The following ZNF334 variants were observed in gnomAD, a reference collection of about 807,000 sequenced individuals.
ZNF334 encodes zinc finger protein 334.
ZNF334 carries 14 observed loss-of-function variants against 12.4 expected under a neutral mutation model. That is an observed-to-expected ratio of 1.13 (90% CI 0.74 to 1.76). ZNF334 has a LOEUF of 1.76. Ranked by LOEUF, ZNF334 falls within the 40% of genes most tolerant of loss-of-function variation. The pLI is 0.00. For synonymous variants in ZNF334, 273 were observed against 269.6 expected (o/e 1.01, Z -0.12); for missense variants, 797 against 804.5 (o/e 0.99, Z 0.11).
chr20:46,510,521 T>A (rs1306071919), intron 2 of ZNF334, among the ~76,000 whole-genome samples: 1 of 151,916 alleles, frequency 6.6e-6, no homozygotes, highest in African/African-American at 2.4e-5. Context: ...GTCAGGAGAT[T>A]GAGACCATCC....
the ZNF334 span, among the ~76,000 whole-genome samples, chr20:46,467,297 G>C: frequency 2.0e-5 from 3 of 151,930 alleles, no homozygotes; most frequent in African/African-American, 7.3e-5. Context: ...CATTTTTTGG[G>C]AAAAATAACG....
the ZNF334 span, among the ~76,000 whole-genome samples, chr20:46,467,979 G>GAACA: frequency 6.6e-6 from 1 of 152,186 alleles, no homozygotes; most frequent in Non-Finnish European, 1.5e-5. Context: ...CATAACCAAA[G>GAACA]AACAATTAGT....
At chr20:46,503,789 T>C (rs2061334676) in intron 4 of ZNF334, among the ~76,000 whole-genome samples, 2 of 151,988 alleles carry the variant, frequency 1.3e-5, no homozygotes, top group Admixed American at 6.5e-5. Flanking sequence ...TGGTGAAGCG[T>C]AGAATGGAAA....
At chr20:46,497,629 T>C (rs1353206852), downstream of ZNF334, among the ~76,000 whole-genome samples, 1 of 152,202 alleles carries the variant, frequency 6.6e-6, no homozygotes, top group African/African-American at 2.4e-5. Flanking sequence ...ATCAGTATAT[T>C]AGTAACTGAC....
rs1053354808 is a variant in ZNF334 at position 46,501,119 on chromosome 20, A to T, written c.*177T>A. The T allele has an allele frequency of 1.4e-6, 1 of 697,040 alleles. No individual in the cohort carries two copies. Among genetic ancestry groups the T allele is most frequent in the Non-Finnish European group, 2.2e-6 (1 of 444,514 alleles). 43.2% of individuals were successfully genotyped at this position (697,040 alleles called of 1,614,324 possible). A position where few individuals can be genotyped will look rare whatever the true frequency, so the allele number is the denominator to read the frequency against. On this transcript the variant is annotated 3_prime_UTR_variant, in exon 5 of 5. Coordinates refer to ENST00000692313, the MANE Select transcript of ZNF334 (RefSeq NM_001353824.2). Reference sequence around the variant, plus strand: ...CAATGAATAATACATTTATTAAACAAATTATTTCTTTCCTACATGATTTCT... The same window carrying T: ...CAATGAATAATACATTTATTAAACATATTATTTCTTTCCTACATGATTTCT...
At chr20:46,482,899 T>C in the ZNF334 span, among the ~76,000 whole-genome samples, 2 of 152,226 alleles carry the variant, frequency 1.3e-5, no homozygotes, top group African/African-American at 4.8e-5. Context: ...TAGATCTCTA[T>C]GTTTGCAGTA....
At chr20:46,504,174 A>G in intron 4 of ZNF334, 40 bp downstream of exon 4, 1 of 1,417,966 alleles carries the variant, frequency 7.1e-7, no homozygotes. Context: ...TGGAACTCTC[A>G]TTTCCATTGG....
chr20:46,498,161 ATGGT>A (rs1415442469), downstream of ZNF334, among the ~76,000 whole-genome samples: 1 of 152,126 alleles, frequency 6.6e-6, no homozygotes, highest in Non-Finnish European at 1.5e-5. Context: ...CTGCATTCTT[ATGGT>A]GGTTGCCTCT....
intron 2 of ZNF334, among the ~76,000 whole-genome samples, chr20:46,508,869 T>G (rs545101672): frequency 1.3e-5 from 2 of 152,316 alleles, no homozygotes; most frequent in African/African-American, 4.8e-5. Flanking sequence ...CTTGAACACA[T>G]AGTATTTTTA....
chr20:46,502,427 G>T lies in ZNF334; in HGVS notation c.912C>A (p.Asp304Glu), dbSNP rs2061239177. The change falls in exon 5 of 5, where the codon GAC becomes GAA. Residue 304 changes from aspartate (D) to glutamate (E), a missense_variant. Asp to Glu is a conservative substitution (Grantham distance 45). Transcript: ENST00000692313. ...ECSECRKTFI[D>E]KSALIVHQKI... ...TCTGGTGTACAATAAGGGCAGATTT[G>T]TCAATGAAGGTTTTCCTGCATTCAC... The T allele has an allele frequency of 6.2e-7, 1 of 1,613,940 alleles. No individual in the cohort carries two copies. The highest frequency in any genetic ancestry group is 1.3e-5 in the African/African-American group (1 of 74,900).
chr20:46,511,991 G>T, intron 2 of ZNF334, 91 bp downstream of exon 2: 2 of 1,305,430 alleles, frequency 1.5e-6, no homozygotes, highest in South Asian at 1.2e-5. Context: ...CTCTGATGCT[G>T]AATTTTATAC....
rs781186074 is a variant in ZNF334, at chr20:46,502,002, G to T, written c.1337C>A (p.Ser446Ter). The T allele has an allele frequency of 6.2e-7, 1 of 1,614,046 alleles. No homozygotes were observed. Among genetic ancestry groups the T allele is most frequent in the Admixed American group, 1.7e-5 (1 of 60,026 alleles). The change falls in exon 5 of 5, where the codon TCA (serine) becomes TAA (stop). Residue 446 changes from serine (S) to a stop codon, truncating the protein, a stop_gained. Coordinates refer to ENST00000692313, the MANE Select transcript of ZNF334 (RefSeq NM_001353824.2). LOFTEE classifies it low-confidence loss of function (END_TRUNC). ...AGTTATCTGATGTGCAATGAGGGCT[G>T]ATTTCGTACATAAAAATTTTCCACA... ...SQCGKFLCTK[S>*]ALIAHQITHR...
At chr20:46,478,840 G>A in the ZNF334 span, among the ~76,000 whole-genome samples, 1 of 152,250 alleles carries the variant, frequency 6.6e-6, no homozygotes, top group African/African-American at 2.4e-5. Flanking sequence ...CACCCCGTTG[G>A]GTCTTTGGTT....
chr20:46,481,512 G>A, the ZNF334 span, among the ~76,000 whole-genome samples: 2 of 152,182 alleles, frequency 1.3e-5, no homozygotes, highest in African/African-American at 4.8e-5. Context: ...GAATTTGTTT[G>A]AAAACTTTTA....
chr20:46,468,449 T>C, the ZNF334 span, among the ~76,000 whole-genome samples: 1 of 151,748 alleles, frequency 6.6e-6, no homozygotes, highest in East Asian at 1.9e-4. Flanking sequence ...TAATTTTTTT[T>C]TTTTTTTGGT....
chr20:46,502,986 T>C lies in ZNF334; in HGVS notation c.353A>G (p.Lys118Arg), dbSNP rs778492663. 4 of 1,614,050 alleles carry C rather than the reference T, an allele frequency of 2.5e-6. No homozygotes were observed. Among genetic ancestry groups the C allele is most frequent in the Non-Finnish European group, 1.7e-6 (2 of 1,179,960 alleles). ...ACTATTCATGCCCAGATTAAGTGTTTTCCCAAATACATTCTCTCTTTCTGT... is the reference window on the plus strand; with the variant it reads ...ACTATTCATGCCCAGATTAAGTGTTCTCCCAAATACATTCTCTCTTTCTGT... ...LITERENVFG[K>R]TLNLGMNSVP... Residue 118 changes from lysine to arginine, a missense_variant, in exon 5 of 5, where the codon AAA (lysine) becomes AGA (arginine). Transcript: ENST00000692313.
chr20:46,488,479 T>C, the ZNF334 span, among the ~76,000 whole-genome samples: 42 of 140,908 alleles, frequency 3.0e-4, no homozygotes, highest in African/African-American at 1.1e-3. Context: ...CTTTATGGCG[T>C]TGCTGTCATA....
chr20:46,464,634 G>T, the ZNF334 span: 1 of 424,578 alleles, frequency 2.4e-6, no homozygotes. Context: ...TCTCTGTGGA[G>T]ATACACACAG....
the ZNF334 span, among the ~76,000 whole-genome samples, chr20:46,472,113 A>G: frequency 5.9e-5 from 9 of 152,202 alleles, no homozygotes; most frequent in African/African-American, 2.2e-4. Flanking sequence ...GTGTCCACTC[A>G]TGTCTTTCCA....
Sources: allele counts gnomAD v4.1 joint callset (sites outside exome capture counted in the v4.1 genomes callset), GRCh38; gene constraint gnomAD v4.1.1; transcripts MANE v1.5; gene names NCBI Gene and HGNC (gene_info 2026-07-23, HGNC 2026-07-21).